The following SLIT2 variants were observed in gnomAD, a reference collection of about 807,000 sequenced individuals.
SLIT2 encodes slit homolog 2 protein.
A neutral mutation model predicts 185.7 loss-of-function variants in SLIT2; 41 were observed. The ratio of observed to expected loss-of-function variants is 0.22; its 90% CI spans 0.17 to 0.29. The LOEUF (loss-of-function observed/expected upper bound fraction) is 0.29, where lower values mean the gene tolerates loss of function less well. SLIT2 is among the 10% of genes least tolerant of loss of function. The probability of loss-of-function intolerance (pLI) is 1.00; values close to 1 mark genes in which losing one functional copy is unlikely to be tolerated. For missense variants in SLIT2, 1,571 were observed against 1,909.0 expected (o/e 0.82, Z 3.30); for synonymous variants, 693 against 680.2 (o/e 1.02, Z -0.29).
intron 4 of SLIT2, among the ~76,000 whole-genome samples, chr4:20,349,305 T>C (rs936316323): frequency 6.6e-6 from 1 of 152,100 alleles, no homozygotes; most frequent in African/African-American, 2.4e-5. Context: ...TTGAAGAAAA[T>C]TAATATTTTT....
intron 4 of SLIT2, among the ~76,000 whole-genome samples, chr4:20,463,447 T>TGA (rs1713939733): frequency 1.7e-5 from 1 of 58,396 alleles, no homozygotes. Context: ...CCTCAAACTG[T>TGA]GATATATATA....
intron 4 of SLIT2, among the ~76,000 whole-genome samples, chr4:20,269,285 C>T (rs1713358221): frequency 6.6e-6 from 1 of 151,650 alleles, no homozygotes; most frequent in Non-Finnish European, 1.5e-5. Context: ...TGTTTCTGGG[C>T]TCAAGTAGTC....
At chr4:20,322,243 A>G (rs942059460) in intron 4 of SLIT2, among the ~76,000 whole-genome samples, 5 of 152,200 alleles carry the variant, frequency 3.3e-5, no homozygotes, top group African/African-American at 1.2e-4. Flanking sequence ...ACACAACTTC[A>G]GGAGATTCTG....
rs750725273 is a variant in SLIT2 at position 20,567,386 on chromosome 4, G to A, written c.2850G>A (p.Lys950=). Reference sequence around the variant, plus strand: ...GATGCACCTGTCCATATGGTTTCAAGGTAAGTAAAAGCACTTTAAGAGTCA... The same window carrying A: ...GATGCACCTGTCCATATGGTTTCAAAGTAAGTAAAAGCACTTTAAGAGTCA... ...FYRCTCPYGF[K]GQDCDVPIHA... is the part of the protein sequence containing the mutation. Residue 950 remains lysine, a splice_region_variant and synonymous_variant, in exon 27 of 37, where the codon AAG becomes AAA. Coordinates refer to ENST00000504154, the MANE Select transcript of SLIT2 (RefSeq NM_004787.4). 2.5e-6 allele frequency: 4 copies of A among 1,613,168 alleles called. No individual in the cohort carries two copies. The South Asian group carries it at 4.4e-5, about 18-fold the overall frequency.
chr4:20,253,517 G>A lies in SLIT2; in HGVS notation c.-299G>A. 2 of 403,314 alleles carry A rather than the reference G, an allele frequency of 5.0e-6. No individual in the cohort carries two copies. The highest frequency in any genetic ancestry group is 4.5e-6 in the Non-Finnish European group (1 of 224,344). 25.0% of individuals were successfully genotyped at this position (403,314 alleles called of 1,614,324 possible). A position where few individuals can be genotyped will look rare whatever the true frequency, so the allele number is the denominator to read the frequency against. On this transcript the variant is annotated 5_prime_UTR_variant, in exon 1 of 37. Transcript: ENST00000504154. The stretch of plus-strand genomic sequence containing the variant: ...CATCCTTGGGAGACAGAAGACGCGT[G>A]ATCTCCTCTCCGCTGCTCTTGGGGT...
rs73801803 is a variant in SLIT2, at chr4:20,320,703, C to G, written c.395+51822C>G. ...CCTTTCACTCTCCCCTCCTCCTTCA[C>G]TAATATCACAAAGGGGTTAAGTGTT... On this transcript the variant is annotated intron_variant, in intron 4 of 36. Coordinates refer to ENST00000504154, the MANE Select transcript of SLIT2 (RefSeq NM_004787.4). Among the ~76,000 whole-genome samples the G allele has an allele frequency of 5.7e-3, 875 of 152,228 alleles. 8 individuals carry two copies. The highest frequency in any genetic ancestry group is 0.02 in the African/African-American group (847 of 41,532).
At chr4:20,344,144 G>A (rs1051592746) in intron 4 of SLIT2, among the ~76,000 whole-genome samples, 18 of 152,132 alleles carry the variant, frequency 1.2e-4, no homozygotes, top group Admixed American at 1.0e-3. Context: ...CACCGCGCCC[G>A]GCCACAAAGT....
At chr4:20,481,844 T>C (rs1335937262) in intron 6 of SLIT2, among the ~76,000 whole-genome samples, 2 of 152,024 alleles carry the variant, frequency 1.3e-5, no homozygotes, top group Non-Finnish European at 2.9e-5. Context: ...TGTAATGTAC[T>C]GTTATTAATT....
intron 4 of SLIT2, among the ~76,000 whole-genome samples, chr4:20,426,067 T>G (rs1030675399): frequency 9.9e-5 from 15 of 152,204 alleles, no homozygotes; most frequent in African/African-American, 3.6e-4. Flanking sequence ...TGCTCCCTTA[T>G]AGACTGTGAG....
intron 4 of SLIT2, among the ~76,000 whole-genome samples, chr4:20,358,474 G>C (rs1194944510): frequency 2.0e-5 from 3 of 151,978 alleles, no homozygotes; most frequent in Admixed American, 2.0e-4. Flanking sequence ...AAATTGACGA[G>C]GTAGGTAGAG....
At chr4:20,541,353 A>T in intron 19 of SLIT2, 100 bp from the exon 20 acceptor site, 3 of 963,750 alleles carry the variant, frequency 3.1e-6, no homozygotes, top group Non-Finnish European at 4.7e-6. Context: ...AGAAGGAATC[A>T]TTCCAGCGGA....
chr4:20,585,065 A>G (rs888718343), intron 29 of SLIT2, among the ~76,000 whole-genome samples: 1 of 152,258 alleles, frequency 6.6e-6, no homozygotes, highest in East Asian at 1.9e-4. Context: ...AAAAAAAACA[A>G]AAAACAAAAA....
At chr4:20,471,252 A>G (rs558761605) in intron 5 of SLIT2, among the ~76,000 whole-genome samples, 2 of 122,938 alleles carry the variant, frequency 1.6e-5, no homozygotes, top group South Asian at 5.4e-4. Flanking sequence ...AAAAGTTCCA[A>G]TCTCATGGGG....
At chr4:20,522,552 T>C (rs886271057) in intron 12 of SLIT2, among the ~76,000 whole-genome samples, 1 of 150,956 alleles carries the variant, frequency 6.6e-6, no homozygotes, top group African/African-American at 2.4e-5. Context: ...CAGAAGATGG[T>C]TGAGGAAAGT....
intron 4 of SLIT2, among the ~76,000 whole-genome samples, chr4:20,418,494 G>A (rs904081821): frequency 1.2e-4 from 19 of 152,158 alleles, no homozygotes; most frequent in African/African-American, 4.1e-4. Context: ...TACTGAGGGC[G>A]GCCAATAGAT....
chr4:20,305,872 AAATAATAATAATAATAATAATAATAAT>A, intron 4 of SLIT2, among the ~76,000 whole-genome samples: 1 of 136,480 alleles, frequency 7.3e-6, no homozygotes, highest in South Asian at 2.5e-4. Flanking sequence ...GACTGTCTCA[AAATAATAATAATAATAATAATAATAAT>A]AATAATAATA....
rs190075214 is a variant in SLIT2 at position 20,581,760 on chromosome 4, T to C, written c.3089-7884T>C. On this transcript the variant is annotated intron_variant, in intron 29 of 36. Coordinates refer to ENST00000504154, the MANE Select transcript of SLIT2 (RefSeq NM_004787.4). Reference sequence around the variant, plus strand: ...TTCTCTCTTTCTCTCTCTTTCTTTCTTTCCAGAATTTCGCTCTTCATTGCC... The same window carrying C: ...TTCTCTCTTTCTCTCTCTTTCTTTCCTTCCAGAATTTCGCTCTTCATTGCC... Among the ~76,000 whole-genome samples, 16 of 152,260 alleles carry C rather than the reference T, an allele frequency of 1.1e-4. No individual in the cohort carries two copies. The East Asian group carries it at 2.9e-3, about 28-fold the overall frequency.
intron 4 of SLIT2, among the ~76,000 whole-genome samples, chr4:20,291,488 ATATATTTTTTTTTTTTTTTTTTTTT>A (rs1424771894): frequency 9.0e-3 from 92 of 10,216 alleles, no homozygotes; most frequent in Admixed American, 0.034. Context: ...ATATATATAT[ATATATTTTTTTTTTTTTTTTTTTTT>A]TTTTTTTTTT....
chr4:20,602,400 G>A (rs1034506810), intron 33 of SLIT2, among the ~76,000 whole-genome samples: 25 of 152,146 alleles, frequency 1.6e-4, no homozygotes, highest in Admixed American at 5.9e-4. Context: ...TTCTTTTAGC[G>A]TAGAAATAAA....
Sources: allele counts gnomAD v4.1 joint callset (sites outside exome capture counted in the v4.1 genomes callset), GRCh38; gene constraint gnomAD v4.1.1; transcripts MANE v1.5; gene names NCBI Gene and HGNC (gene_info 2026-07-23, HGNC 2026-07-21).